The following LPCAT3 variants were observed in gnomAD, a reference collection of about 807,000 sequenced individuals.
LPCAT3 encodes the protein lysophospholipid acyltransferase 5.
A neutral mutation model predicts 63.4 loss-of-function variants in LPCAT3; 21 were observed. The observed-to-expected ratio is 0.33, with a 90% CI of 0.23 to 0.48. The LOEUF (loss-of-function observed/expected upper bound fraction) is 0.48. Among genes scored for constraint, LPCAT3 ranks in the 20% least tolerant of loss-of-function variants. LPCAT3 has a pLI of 0.99. For synonymous variants in LPCAT3, 242 were observed against 227.5 expected (o/e 1.06, Z -0.58); for missense variants, 451 against 590.6 (o/e 0.76, Z 2.45).
At chr12:7,009,377 G>A (rs1339102252) in intron 1 of LPCAT3, among the ~76,000 whole-genome samples, 6 of 152,104 alleles carry the variant, frequency 3.9e-5, no homozygotes, top group Admixed American at 1.3e-4. Flanking sequence ...ATTCCAAAAA[G>A]GTACTATCAG....
chr12:6,980,548 GTCTC>G (rs140370744), intron 6 of LPCAT3, among the ~76,000 whole-genome samples: 1 of 151,686 alleles, frequency 6.6e-6, no homozygotes, highest in South Asian at 2.1e-4. Flanking sequence ...TAGAGACAGA[GTCTC>G]TCTATGTTGC....
chr12:7,001,401 A>G, intron 1 of LPCAT3: 1 of 455,982 alleles, frequency 2.2e-6, no homozygotes, highest in Non-Finnish European at 4.4e-6. Flanking sequence ...ATAATCAACC[A>G]CCACCCCAAC....
In LPCAT3 at chr12:6,982,751, A is replaced by G; in HGVS notation, c.291T>C (p.Ile97=). Residue 97 remains isoleucine (I), a synonymous_variant, in exon 3 of 13, where the codon ATT becomes ATC. Coordinates refer to ENST00000261407, the MANE Select transcript of LPCAT3 (RefSeq NM_005768.6). ...GTCGAAGGATGAGGAACTGAAGCAC[A>G]ATACACAGCAGGGAGTGGTAGAGCT... The part of the protein sequence containing the change: ...GNQLYHSLLC[I]VLQFLILRLM... 3.1e-6 allele frequency: 5 copies of G among 1,613,972 alleles called. No individual in the cohort carries two copies. The highest frequency in any genetic ancestry group is 1.1e-5 in the South Asian group (1 of 91,074).
chr12:6,978,097 T>C lies in LPCAT3; in HGVS notation c.1040+244A>G, dbSNP rs1377552509. 10 of 566,546 alleles carry C rather than the reference T, an allele frequency of 1.8e-5. No individual in the cohort carries two copies. In the Admixed American group the frequency reaches 2.3e-4, roughly 13 times the overall value. The allele number at this position is 566,546 out of a possible 1,614,324, so 35.1% of individuals were successfully genotyped here. On this transcript the variant is annotated intron_variant, in intron 9 of 12. Coordinates refer to ENST00000261407, the MANE Select transcript of LPCAT3 (RefSeq NM_005768.6). The stretch of plus-strand genomic sequence containing the variant: ...CAGGGCAGTGGAGGACATAAGTCCA[T>C]TGGCAGAGCTGGAGTAACACCCAGG...
intron 5 of LPCAT3, 82 bp downstream of exon 5, chr12:6,981,513 T>C (rs1946470750): frequency 7.3e-7 from 1 of 1,379,104 alleles, no homozygotes; most frequent in Admixed American, 1.7e-5. Flanking sequence ...CGCTCTGGAA[T>C]TTGGGTTCAG....
At chr12:7,004,738 C>T (rs1260941195) in intron 1 of LPCAT3, among the ~76,000 whole-genome samples, 1 of 152,300 alleles carries the variant, frequency 6.6e-6, no homozygotes, top group Non-Finnish European at 1.5e-5. Flanking sequence ...ATCTCTTTCT[C>T]ATTTCACAAA....
chr12:6,983,555 G>C lies in LPCAT3; in HGVS notation c.152-16C>G. The C allele has an allele frequency of 1.3e-6, 2 of 1,505,096 alleles. No homozygotes were observed. The highest frequency in any genetic ancestry group is 1.4e-5 in the African/African-American group (1 of 72,450). 93.2% of individuals were successfully genotyped at this position (1,505,096 alleles called of 1,614,324 possible). On this transcript the variant is annotated splice_polypyrimidine_tract_variant and intron_variant, in intron 1 of 12. Coordinates refer to ENST00000261407, the MANE Select transcript of LPCAT3 (RefSeq NM_005768.6). ...AAGGGGTAACCTAGATGGGGGAAAAGATAAGAAGAGTGTTATTTGTGCCTG... is the reference window on the plus strand; with the variant it reads ...AAGGGGTAACCTAGATGGGGGAAAACATAAGAAGAGTGTTATTTGTGCCTG...
chr12:7,007,402 G>A (rs971081546), intron 1 of LPCAT3, among the ~76,000 whole-genome samples: 5 of 151,782 alleles, frequency 3.3e-5, no homozygotes, highest in African/African-American at 1.2e-4. Context: ...TATTATTTTC[G>A]GAAGCAGATA....
chr12:7,004,191 G>T (rs1307302788), intron 1 of LPCAT3, among the ~76,000 whole-genome samples: 3 of 151,852 alleles, frequency 2.0e-5, no homozygotes, highest in Non-Finnish European at 4.4e-5. Context: ...TTTTTAAAGG[G>T]TCATTTTTCA....
At chr12:6,989,836 G>A (rs1190399499) in intron 1 of LPCAT3, among the ~76,000 whole-genome samples, 4 of 152,102 alleles carry the variant, frequency 2.6e-5, no homozygotes, top group Non-Finnish European at 4.4e-5. Flanking sequence ...CTAAAGTTGT[G>A]AGGTTTCATC....
At chr12:7,013,131 A>C (rs1261918730) in intron 1 of LPCAT3, among the ~76,000 whole-genome samples, 1 of 152,240 alleles carries the variant, frequency 6.6e-6, no homozygotes, top group African/African-American at 2.4e-5. Flanking sequence ...ATAATTGAAC[A>C]TGAGAGTCAG....
intron 1 of LPCAT3, among the ~76,000 whole-genome samples, chr12:6,996,055 T>C (rs1371378763): frequency 6.6e-6 from 1 of 152,194 alleles, no homozygotes; most frequent in African/African-American, 2.4e-5. Flanking sequence ...TCAAGGCCTC[T>C]ATTCTCACTC....
At chr12:6,978,556 C>T (rs1591545307) in intron 8 of LPCAT3, 47 bp downstream of exon 8, 1 of 1,612,970 alleles carries the variant, frequency 6.2e-7, no homozygotes, top group Non-Finnish European at 8.5e-7. Flanking sequence ...CCATACTGGC[C>T]CCCATGGCTT....
intron 7 of LPCAT3, 114 bp downstream of exon 7, chr12:6,979,357 C>T (rs1946445785): frequency 1.3e-6 from 1 of 782,666 alleles, no homozygotes; most frequent in Non-Finnish European, 2.1e-6. Flanking sequence ...AGAGCAAAAC[C>T]AACATGCACT....
At chr12:7,006,507 T>C (rs1330141607) in intron 1 of LPCAT3, among the ~76,000 whole-genome samples, 4 of 152,140 alleles carry the variant, frequency 2.6e-5, no homozygotes, top group African/African-American at 9.7e-5. Context: ...GCGTGAGCCA[T>C]GGTGCCTGGC....
At chr12:7,003,854 G>A (rs1292260567) in intron 1 of LPCAT3, among the ~76,000 whole-genome samples, 2 of 151,190 alleles carry the variant, frequency 1.3e-5, no homozygotes, top group Non-Finnish European at 1.5e-5. Context: ...CCCGGGAAGC[G>A]GAGCTTGCAG....
chr12:6,989,773 G>C (rs868953185), intron 1 of LPCAT3, among the ~76,000 whole-genome samples: 28 of 152,298 alleles, frequency 1.8e-4, no homozygotes, highest in African/African-American at 5.8e-4. Flanking sequence ...TGCATTGTTA[G>C]CGGGAACGTT....
intron 7 of LPCAT3, 149 bp downstream of exon 7, chr12:6,979,322 G>A (rs1355523867): frequency 6.2e-6 from 4 of 644,592 alleles, no homozygotes; most frequent in African/African-American, 1.8e-5. Context: ...TCCCAGCACG[G>A]CTGGCATTGA....
chr12:6,998,732 G>T (rs373108540), intron 1 of LPCAT3, among the ~76,000 whole-genome samples: 3 of 152,338 alleles, frequency 2.0e-5, no homozygotes, highest in African/African-American at 7.2e-5. Flanking sequence ...CTTGTTGCTA[G>T]TACAGGCAGG....
Sources: allele counts gnomAD v4.1 joint callset (sites outside exome capture counted in the v4.1 genomes callset), GRCh38; gene constraint gnomAD v4.1.1; transcripts MANE v1.5; gene names NCBI Gene and HGNC (gene_info 2026-07-23, HGNC 2026-07-21).